The following TMEM200A variants were observed in gnomAD, a reference collection of about 807,000 sequenced individuals.
TMEM200A encodes the protein transmembrane protein 200A, also known as two transmembrane C.
Under a neutral mutation model 24.3 loss-of-function variants are expected in TMEM200A, and 12 were observed. The observed-to-expected ratio is 0.49, with a 90% CI of 0.32 to 0.80. The LOEUF (loss-of-function observed/expected upper bound fraction) is 0.80. Among genes scored for constraint, TMEM200A ranks in the 30% least tolerant of loss-of-function variants. TMEM200A has a pLI of 0.04. For synonymous variants in TMEM200A, 224 were observed against 224.4 expected, an observed-to-expected ratio of 1.00 and a Z score of 0.02; for missense variants, 545 against 614.4, an observed-to-expected ratio of 0.89 and a Z score of 1.19.
At chr6:130,409,516 T>A (rs1779284287) in intron 2 of TMEM200A, among the ~76,000 whole-genome samples, 1 of 152,174 alleles carries the variant, frequency 6.6e-6, no homozygotes, top group Non-Finnish European at 1.5e-5. Flanking sequence ...AGCCTTTGCT[T>A]AATTCTGCTT....
rs753412772 is a variant in TMEM200A, at chr6:130,440,911, C to T, written c.489C>T (p.Ile163=). 6.2e-7 allele frequency: 1 copy of T among 1,614,028 alleles called. No individual in the cohort carries two copies. Among genetic ancestry groups the T allele is most frequent in the South Asian group, 1.1e-5 (1 of 91,080 alleles). Residue 163 remains isoleucine, a synonymous_variant, in exon 3 of 3, where the codon ATC becomes ATT. Coordinates refer to ENST00000296978, the MANE Select transcript of TMEM200A (RefSeq NM_001258277.2). ...KETKIIHMRD[I]YSTVIDIHTL... ...CCAAAATCATACACATGAGGGATAT[C>T]TATTCCACAGTCATTGACATTCACA...
At chr6:130,375,005 G>T (rs933228741) in intron 1 of TMEM200A, among the ~76,000 whole-genome samples, 6 of 152,144 alleles carry the variant, frequency 3.9e-5, no homozygotes, top group Non-Finnish European at 8.8e-5. Flanking sequence ...ATTTGAGGTG[G>T]TTTTTGAGTG....
At position 130,366,052 on chromosome 6, in the gene TMEM200A, TC is replaced by T. The variant is rs1671004934; in HGVS notation, c.-550del. ...GAGCAGAAAACTTTTCCCCTCCCGTTCCCGGTCCCTTTTGTCTTTCTTGGAC... is the reference window on the plus strand; with the variant it reads ...GAGCAGAAAACTTTTCCCCTCCCGTTCCGGTCCCTTTTGTCTTTCTTGGAC... On this transcript the variant is annotated 5_prime_UTR_variant, in exon 1 of 3. Transcript: ENST00000296978. This position sits in a 1 kb window ranked among gnomAD's most constrained non-coding sequence, Gnocchi z 4.4. 1 of 985,602 alleles carries T rather than the reference TC, an allele frequency of 1.0e-6. No individual in the cohort carries two copies. The allele number at this position is 985,602 out of a possible 1,614,324, so 61.1% of individuals were successfully genotyped here. A position where few individuals can be genotyped will look rare whatever the true frequency, so the allele number is the denominator to read the frequency against.
At position 130,394,360 on chromosome 6, in the gene TMEM200A, C is replaced by T. The variant is rs183389525; in HGVS notation, c.-17+9124C>T. On this transcript the variant is annotated intron_variant, in intron 2 of 2. Coordinates refer to ENST00000296978, the MANE Select transcript of TMEM200A (RefSeq NM_001258277.2). ...CCTTTCGCACCCACAGAAGGGAATA[C>T]TTACCTCTGCCAGCAGGTTTCTGTT... Among the ~76,000 whole-genome samples the T allele has an allele frequency of 3.3e-5, 5 of 152,308 alleles. No homozygotes were observed. The East Asian group carries it at 9.7e-4, about 29-fold the overall frequency.
chr6:130,401,335 G>A (rs1779077387), intron 2 of TMEM200A, among the ~76,000 whole-genome samples: 1 of 151,552 alleles, frequency 6.6e-6, no homozygotes, highest in African/African-American at 2.4e-5. Flanking sequence ...CCCTATTACA[G>A]ATAATTTAGA....
At chr6:130,385,038 A>G (rs1367215562) in intron 1 of TMEM200A, 135 bp from the exon 2 acceptor site, 1 of 152,246 alleles carries the variant, frequency 6.6e-6, no homozygotes, top group Non-Finnish European at 1.5e-5. Context: ...TCTTTTGGAT[A>G]TAAATGTGGA....
chr6:130,423,382 G>A (rs566364425), intron 2 of TMEM200A, among the ~76,000 whole-genome samples: 1 of 152,036 alleles, frequency 6.6e-6, no homozygotes, highest in Non-Finnish European at 1.5e-5. Flanking sequence ...CATATTTACT[G>A]AACATTTCTT....
intron 2 of TMEM200A, among the ~76,000 whole-genome samples, chr6:130,428,467 C>CA (rs1162976432): frequency 6.6e-6 from 1 of 152,068 alleles, no homozygotes; most frequent in Non-Finnish European, 1.5e-5. Flanking sequence ...TCTGCTCCTT[C>CA]ATTTCACTTT....
chr6:130,417,613 C>G (rs1174418154), intron 2 of TMEM200A, among the ~76,000 whole-genome samples: 1 of 152,152 alleles, frequency 6.6e-6, no homozygotes. Flanking sequence ...ACAAACAACT[C>G]TTTAACCATT....
Position 130,436,485 on chromosome 6 carries a change from CA to C in TMEM200A, c.-16-3907del, listed in dbSNP as rs11462643. Among the ~76,000 whole-genome samples, 807 of 114,770 alleles carry C rather than the reference CA, an allele frequency of 7.0e-3. 6 individuals are homozygous for C. Among genetic ancestry groups the C allele is most frequent in the African/African-American group, 0.016 (543 of 32,972 alleles). The allele number at this position is 114,770 out of a possible 152,430, so 75.3% of individuals were successfully genotyped here. A position where few individuals can be genotyped will look rare whatever the true frequency, so the allele number is the denominator to read the frequency against. On this transcript the variant is annotated intron_variant, in intron 2 of 2. Coordinates refer to ENST00000296978, the MANE Select transcript of TMEM200A (RefSeq NM_001258277.2). ...GGGCATGTAGCTTTGCAGCATTGAC[CA>C]AAAAAAAAAAAAAAGGTAGATTTAG...
At chr6:130,401,835 T>TTG (rs148085161) in intron 2 of TMEM200A, among the ~76,000 whole-genome samples, 1 of 151,706 alleles carries the variant, frequency 6.6e-6, no homozygotes, top group Non-Finnish European at 1.5e-5. Flanking sequence ...TCTTTAATGT[T>TTG]TGTGTGTGTG....
At chr6:130,421,176 T>C (rs1438693797) in intron 2 of TMEM200A, 2 of 152,184 alleles carry the variant, frequency 1.3e-5, no homozygotes, top group African/African-American at 4.8e-5. Context: ...GCCCGCTTGG[T>C]CCAGCGCTTC....
chr6:130,417,733 T>C (rs1037307196), intron 2 of TMEM200A, among the ~76,000 whole-genome samples: 2 of 152,174 alleles, frequency 1.3e-5, no homozygotes, highest in Non-Finnish European at 2.9e-5. Context: ...AACTCCAAAG[T>C]CATTTCTCAT....
chr6:130,386,742 G>C (rs1170649579), intron 2 of TMEM200A, among the ~76,000 whole-genome samples: 1 of 152,158 alleles, frequency 6.6e-6, no homozygotes, highest in African/African-American at 2.4e-5. Flanking sequence ...CCAAGAAATT[G>C]TAAGAATGTC....
intron 2 of TMEM200A, among the ~76,000 whole-genome samples, chr6:130,439,666 G>A (rs1780104749): frequency 6.6e-6 from 1 of 152,182 alleles, no homozygotes; most frequent in Non-Finnish European, 1.5e-5. Flanking sequence ...AGATGACCAA[G>A]AACAAGACTC....
intron 2 of TMEM200A, among the ~76,000 whole-genome samples, chr6:130,436,341 T>G (rs1780008903): frequency 6.6e-6 from 1 of 152,010 alleles, no homozygotes; most frequent in Non-Finnish European, 1.5e-5. Flanking sequence ...TATTAAAACT[T>G]AGAAGAGTAT....
chr6:130,387,227 A>G (rs140460314), intron 2 of TMEM200A, among the ~76,000 whole-genome samples: 5 of 152,330 alleles, frequency 3.3e-5, no homozygotes, highest in African/African-American at 1.2e-4. Flanking sequence ...AAAATCTCCT[A>G]TAATTTCTTT....
At chr6:130,392,776 C>T (rs1778865356) in intron 2 of TMEM200A, among the ~76,000 whole-genome samples, 1 of 152,228 alleles carries the variant, frequency 6.6e-6, no homozygotes. Context: ...CACTGCTATA[C>T]TTTGTGCCTG....
chr6:130,395,462 C>T (rs564686127), intron 2 of TMEM200A, among the ~76,000 whole-genome samples: 3 of 152,152 alleles, frequency 2.0e-5, no homozygotes, highest in Non-Finnish European at 4.4e-5. Context: ...AAGAACAGAT[C>T]TCAAAAATGG....
Sources: gnomAD v4.1 joint callset for allele counts (sites outside exome capture counted in the v4.1 genomes callset) on GRCh38, gnomAD v4.1.1 for gene constraint, Gnocchi (gnomAD v3.1) non-coding constraint, MANE v1.5 for transcripts, NCBI Gene and HGNC (gene_info 2026-07-23, HGNC 2026-07-21) for gene names.